DEPTOR: variants seen among roughly 807,000 people sequenced by gnomAD.
The protein encoded by DEPTOR is DEP domain-containing mTOR-interacting protein.
Under a neutral mutation model 41.6 loss-of-function variants are expected in DEPTOR, and 41 were observed. The observed-to-expected ratio is 0.98, with a 90% CI of 0.77 to 1.28. DEPTOR has a LOEUF of 1.28. Ranked by LOEUF, DEPTOR falls within the 50% of genes most tolerant of loss-of-function variation. The pLI, the probability that DEPTOR is intolerant of heterozygous loss-of-function variation, is 0.00. For synonymous variants in DEPTOR, 195 were observed against 192.3 expected (o/e 1.01, Z -0.12); for missense variants, 514 against 527.9 (o/e 0.97, Z 0.26).
chr8:119,885,785 A>G (rs1242823060), intron 1 of DEPTOR, among the ~76,000 whole-genome samples: 2 of 152,346 alleles, frequency 1.3e-5, no homozygotes, highest in East Asian at 3.9e-4. Flanking sequence ...AGATTCCACA[A>G]TTAACATTTC....
At chr8:119,881,424 T>G (rs1022146867) in intron 1 of DEPTOR, among the ~76,000 whole-genome samples, 1 of 151,756 alleles carries the variant, frequency 6.6e-6, no homozygotes, top group Non-Finnish European at 1.5e-5. Flanking sequence ...CTCTGGAGGC[T>G]GAGGCAGGAG....
At chr8:119,956,737 T>G (rs921511267) in intron 3 of DEPTOR, among the ~76,000 whole-genome samples, 7 of 110,160 alleles carry the variant, frequency 6.4e-5, no homozygotes, top group African/African-American at 1.4e-4. Flanking sequence ...GTTTTTTTTT[T>G]TTGTTTTTTT....
Position 120,049,936 on chromosome 8 carries a change from T to C in DEPTOR, c.*232T>C, listed in dbSNP as rs1327432391. 2.7e-6 allele frequency: 1 copy of C among 376,890 alleles called. No homozygotes were observed. Among genetic ancestry groups the C allele is most frequent in the East Asian group, 5.0e-5 (1 of 20,026 alleles). The allele number at this position is 376,890 out of a possible 1,614,324, so 23.3% of individuals were successfully genotyped here. ...ACATTTGGGAAACCATTTTCCTACATGATAGAACTGCCTTACTAGATTTCT... is the reference window on the plus strand; with the variant it reads ...ACATTTGGGAAACCATTTTCCTACACGATAGAACTGCCTTACTAGATTTCT... On this transcript the variant is annotated 3_prime_UTR_variant, in exon 9 of 9. Transcript: ENST00000286234.
intron 1 of DEPTOR, among the ~76,000 whole-genome samples, chr8:119,889,784 A>G (rs1827428477): frequency 6.6e-6 from 1 of 152,082 alleles, no homozygotes; most frequent in Admixed American, 6.6e-5. Context: ...GTGGGAAACC[A>G]GGCCAGAATT....
intron 4 of DEPTOR, among the ~76,000 whole-genome samples, chr8:119,998,798 T>G (rs1158843921): frequency 6.6e-6 from 1 of 152,144 alleles, no homozygotes; most frequent in Non-Finnish European, 1.5e-5. Flanking sequence ...GAGAAGGAAT[T>G]GTTTCTCACA....
At chr8:119,929,719 G>T in intron 2 of DEPTOR, 96 bp from the exon 3 acceptor site, 1 of 1,478,016 alleles carries the variant, frequency 6.8e-7, no homozygotes, top group Non-Finnish European at 9.1e-7. Flanking sequence ...GAATGTGATA[G>T]TGAAATAATT....
intron 8 of DEPTOR, among the ~76,000 whole-genome samples, chr8:120,032,783 C>A (rs972848856): frequency 3.3e-5 from 5 of 152,212 alleles, no homozygotes; most frequent in African/African-American, 1.2e-4. Context: ...TTCCACCTTC[C>A]AGGTATTATG....
chr8:119,952,543 G>A (rs1454810631), intron 3 of DEPTOR, among the ~76,000 whole-genome samples: 2 of 152,258 alleles, frequency 1.3e-5, no homozygotes, highest in East Asian at 3.9e-4. Context: ...GTGGTTTGCT[G>A]GCACCTAGGT....
At chr8:119,888,858 C>CAAAAAAAAAAAA (rs34471575) in intron 1 of DEPTOR, among the ~76,000 whole-genome samples, 1 of 63,864 alleles carries the variant, frequency 1.6e-5, no homozygotes, top group Non-Finnish European at 2.7e-5. Context: ...TCTGTCTCAG[C>CAAAAAAAAAAAA]AAAAAAAAAA....
Position 120,008,966 on chromosome 8 carries a change from C to G in DEPTOR, c.997-63C>G, listed in dbSNP as rs1019519752. 4.6e-5 allele frequency: 71 copies of G among 1,530,252 alleles called. No homozygotes were observed. In the South Asian group the frequency reaches 7.6e-4, roughly 16 times the overall value. 94.8% of individuals were successfully genotyped at this position (1,530,252 alleles called of 1,614,324 possible). A position where few individuals can be genotyped will look rare whatever the true frequency, so the allele number is the denominator to read the frequency against. The stretch of plus-strand genomic sequence containing the variant: ...AATCCTGGGCTGGTTTTCTCTCCCT[C>G]AGAAGAATAAGCAAATTGCCGGAGA... On this transcript the variant is annotated intron_variant, in intron 7 of 8. Coordinates refer to ENST00000286234, the MANE Select transcript of DEPTOR (RefSeq NM_022783.4).
intron 4 of DEPTOR, among the ~76,000 whole-genome samples, chr8:119,979,380 A>G (rs1170339797): frequency 6.6e-6 from 1 of 151,928 alleles, no homozygotes; most frequent in Non-Finnish European, 1.5e-5. Context: ...AAGCACAAGC[A>G]ATTTTCCCTC....
At chr8:119,885,552 C>T (rs886674938) in intron 1 of DEPTOR, among the ~76,000 whole-genome samples, 4 of 152,066 alleles carry the variant, frequency 2.6e-5, no homozygotes, top group Admixed American at 1.3e-4. Flanking sequence ...TAGCCTAGGT[C>T]GTCATGAGAG....
chr8:119,892,814 G>A (rs535952403), intron 1 of DEPTOR, among the ~76,000 whole-genome samples: 111 of 149,104 alleles, frequency 7.4e-4, no homozygotes, highest in Middle Eastern at 3.4e-3. Context: ...ACGGAGTCTC[G>A]CCCTGTTGCC....
chr8:119,991,830 A>G (rs1035109993), intron 4 of DEPTOR, among the ~76,000 whole-genome samples: 1 of 152,250 alleles, frequency 6.6e-6, no homozygotes, highest in Non-Finnish European at 1.5e-5. Context: ...ATTAAAAAGC[A>G]TGTTATGAAT....
In DEPTOR at chr8:119,968,026, C is replaced by G. The variant is rs562103871; in HGVS notation, c.604+2616C>G. On this transcript the variant is annotated intron_variant, in intron 4 of 8. Transcript: ENST00000286234. ...TGTTGGTGGCCTAACATGTCTAGCT[C>G]TGGTTTAAGTTCACTGAGGAAAGGA... Among the ~76,000 whole-genome samples, 10 of 152,172 alleles carry G rather than the reference C, an allele frequency of 6.6e-5. No individual in the cohort carries two copies. The South Asian group carries it at 2.1e-3, about 32-fold the overall frequency.
intron 8 of DEPTOR, among the ~76,000 whole-genome samples, chr8:120,038,886 C>G (rs1328835261): frequency 6.6e-6 from 1 of 152,048 alleles, no homozygotes; most frequent in African/African-American, 2.4e-5. Flanking sequence ...ATAGGACCTG[C>G]GTTGGGAATT....
chr8:120,039,338 G>A (rs1813023800), intron 8 of DEPTOR, among the ~76,000 whole-genome samples: 1 of 152,166 alleles, frequency 6.6e-6, no homozygotes, highest in Non-Finnish European at 1.5e-5. Flanking sequence ...TCAGTTTATG[G>A]TATTTGATGT....
At position 119,990,963 on chromosome 8, in the gene DEPTOR, C is replaced by T. The variant is rs556797236; in HGVS notation, c.605-10562C>T. 9.9e-5 allele frequency among the ~76,000 whole-genome samples: 15 copies of T among 152,228 alleles called. No homozygotes were observed. The South Asian group carries it at 3.1e-3, about 32-fold the overall frequency. Reference sequence around the variant, plus strand: ...GCTGCTTTAGGAAATAGGGCTCCTTCAACTATTGCTTCCATTTAGGATGGC... The same window carrying T: ...GCTGCTTTAGGAAATAGGGCTCCTTTAACTATTGCTTCCATTTAGGATGGC... On this transcript the variant is annotated intron_variant, in intron 4 of 8. Coordinates refer to ENST00000286234, the MANE Select transcript of DEPTOR (RefSeq NM_022783.4).
chr8:119,941,004 G>A (rs1828196034), intron 3 of DEPTOR, among the ~76,000 whole-genome samples: 1 of 152,106 alleles, frequency 6.6e-6, no homozygotes, highest in South Asian at 2.1e-4. Context: ...TTAGGAAGAT[G>A]AAAAAGTTGT....
Sources: allele counts gnomAD v4.1 joint callset (sites outside exome capture counted in the v4.1 genomes callset), GRCh38; gene constraint gnomAD v4.1.1; transcripts MANE v1.5; gene names NCBI Gene and HGNC (gene_info 2026-07-23, HGNC 2026-07-21).